Variants in RNF2 observed in about 807,000 individuals in gnomAD.
The protein encoded by RNF2 is E3 ubiquitin-protein ligase RING2.
A neutral mutation model predicts 37.2 loss-of-function variants in RNF2; 6 were observed. The ratio of observed to expected loss-of-function variants is 0.16; its 90% CI spans 0.09 to 0.32. The LOEUF is 0.32. Among genes scored for constraint, RNF2 ranks in the 10% least tolerant of loss-of-function variants. The pLI is 1.00. For missense variants in RNF2, 251 were observed against 404.0 expected (o/e 0.62, Z 3.25); for synonymous variants, 133 against 132.7 (o/e 1.00, Z -0.02).
At chr1:185,057,015 T>C (rs78568529) in intron 1 of RNF2, among the ~76,000 whole-genome samples, 1,926 of 152,086 alleles carry the variant, frequency 0.013, 40 homozygotes, top group African/African-American at 0.044. Flanking sequence ...TTTATGTGTG[T>C]TTTAAAACCT....
chr1:185,048,330 T>G (rs1162344756), intron 1 of RNF2, among the ~76,000 whole-genome samples: 2 of 152,158 alleles, frequency 1.3e-5, no homozygotes, highest in Non-Finnish European at 2.9e-5. Flanking sequence ...TGCTTTACGG[T>G]TTTTAGACAG....
intron 1 of RNF2, among the ~76,000 whole-genome samples, chr1:185,059,639 C>T (rs1033827891): frequency 7.9e-5 from 12 of 152,102 alleles, no homozygotes; most frequent in African/African-American, 2.9e-4. Flanking sequence ...TAGTAATAAT[C>T]ATATGTTTGG....
At chr1:185,070,577 T>G (rs1650937420) in intron 1 of RNF2, among the ~76,000 whole-genome samples, 1 of 152,132 alleles carries the variant, frequency 6.6e-6, no homozygotes, top group African/African-American at 2.4e-5. Context: ...TCCTCAGTTT[T>G]TTTCACATGA....
chr1:185,077,810 G>T (rs1408403078), intron 1 of RNF2, among the ~76,000 whole-genome samples: 2 of 142,824 alleles, frequency 1.4e-5, no homozygotes, highest in African/African-American at 2.6e-5. Flanking sequence ...AATTTCTAAT[G>T]CCTGATTCAT....
chr1:185,073,543 T>G (rs1382435148), intron 1 of RNF2, among the ~76,000 whole-genome samples: 1 of 152,240 alleles, frequency 6.6e-6, no homozygotes, highest in African/African-American at 2.4e-5. Flanking sequence ...TGTCTTTTGA[T>G]CTACAGCAGT....
intron 1 of RNF2, among the ~76,000 whole-genome samples, chr1:185,052,074 A>G (rs1380099030): frequency 6.6e-6 from 1 of 151,854 alleles, no homozygotes; most frequent in Non-Finnish European, 1.5e-5. Flanking sequence ...CTCACCTGTG[A>G]CACCCCCCAT....
chr1:185,058,007 C>T (rs1650486072), intron 1 of RNF2, among the ~76,000 whole-genome samples: 1 of 152,088 alleles, frequency 6.6e-6, no homozygotes, highest in African/African-American at 2.4e-5. Context: ...CACCTATAGT[C>T]TCAGTTACTC....
intron 1 of RNF2, among the ~76,000 whole-genome samples, chr1:185,081,513 C>T (rs753944142): frequency 6.7e-6 from 1 of 150,214 alleles, no homozygotes; most frequent in Non-Finnish European, 1.5e-5. Flanking sequence ...CCTGCCTCAG[C>T]CTCCTGAGTA....
At chr1:185,077,620 A>ATTTTTTTTTTTTTTTT (rs1651207693) in intron 1 of RNF2, among the ~76,000 whole-genome samples, 1 of 119,836 alleles carries the variant, frequency 8.3e-6, no homozygotes, top group Admixed American at 8.1e-5. Flanking sequence ...TTAGGAATTA[A>ATTTTTTTTTTTTTTTT]CTTTGTTTTT....
chr1:185,074,214 G>T (rs1651076572), intron 1 of RNF2, among the ~76,000 whole-genome samples: 1 of 152,106 alleles, frequency 6.6e-6, no homozygotes, highest in Admixed American at 6.5e-5. Context: ...CACCCTTCTG[G>T]CACCCTGACC....
chr1:185,056,712 C>T (rs1650445370), intron 1 of RNF2, among the ~76,000 whole-genome samples: 1 of 137,426 alleles, frequency 7.3e-6, no homozygotes, highest in African/African-American at 2.7e-5. Flanking sequence ...TTTTTAATCC[C>T]TGTGTTCAAT....
intron 4 of RNF2, among the ~76,000 whole-genome samples, chr1:185,095,776 A>G (rs1264593436): frequency 6.6e-6 from 1 of 152,162 alleles, no homozygotes; most frequent in Non-Finnish European, 1.5e-5. Context: ...TGACTTCTAC[A>G]TACATTTCAG....
chr1:185,067,409 G>T (rs974069495), intron 1 of RNF2, among the ~76,000 whole-genome samples: 1 of 152,136 alleles, frequency 6.6e-6, no homozygotes, highest in African/African-American at 2.4e-5. Flanking sequence ...TATAACACCT[G>T]TATCCTGTAA....
At chr1:185,074,894 C>T (rs76048610) in intron 1 of RNF2, among the ~76,000 whole-genome samples, 2 of 152,144 alleles carry the variant, frequency 1.3e-5, no homozygotes, top group African/African-American at 4.8e-5. Flanking sequence ...CTTGAGTATC[C>T]ATGGATTTTG....
chr1:185,069,552 A>G (rs1176490458), intron 1 of RNF2, among the ~76,000 whole-genome samples: 1 of 152,062 alleles, frequency 6.6e-6, no homozygotes, highest in Non-Finnish European at 1.5e-5. Context: ...AGCACATGCT[A>G]GGGTCTCACT....
chr1:185,098,156 C>G lies in RNF2; in HGVS notation c.549C>G (p.Ser183=). 15 of 1,614,170 alleles carry G rather than the reference C, an allele frequency of 9.3e-6. No homozygotes were observed. The highest frequency in any genetic ancestry group is 1.3e-5 in the Non-Finnish European group (15 of 1,180,026). ...NGDSSHCSNA[S]THSNQEAGPS... Reference sequence around the variant, plus strand: ...ACAGTTCACACTGCAGTAATGCATCCACACATAGCAATCAGGAAGCAGGCC... The same window carrying G: ...ACAGTTCACACTGCAGTAATGCATCGACACATAGCAATCAGGAAGCAGGCC... Residue 183 remains serine, a synonymous_variant, in exon 5 of 7, where the codon TCC becomes TCG. Transcript: ENST00000367510.
intron 4 of RNF2, 23 bp downstream of exon 4, chr1:185,093,299 G>A (rs1310882882): frequency 4.4e-6 from 7 of 1,599,456 alleles, no homozygotes; most frequent in Non-Finnish European, 5.1e-6. Flanking sequence ...GAGGGTCAGA[G>A]AGGGTAGCTG....
At position 185,098,061 on chromosome 1, in the gene RNF2, C is replaced by G. The variant is rs1317742537; in HGVS notation, c.465-11C>G. 1 of 1,611,250 alleles carries G rather than the reference C, an allele frequency of 6.2e-7. No individual in the cohort carries two copies. Among genetic ancestry groups the G allele is most frequent in the Non-Finnish European group, 8.5e-7 (1 of 1,178,530 alleles). On this transcript the variant is annotated splice_polypyrimidine_tract_variant and intron_variant, in intron 4 of 6. Coordinates refer to ENST00000367510, the MANE Select transcript of RNF2 (RefSeq NM_007212.4). Reference sequence around the variant, plus strand: ...GTAAATTTTATGCATCCTTTTTTCCCCCTTGACTAGACTGCAGCGAGGCAA... The same window carrying G: ...GTAAATTTTATGCATCCTTTTTTCCGCCTTGACTAGACTGCAGCGAGGCAA...
At chr1:185,086,921 A>C (rs1052270805) in intron 1 of RNF2, among the ~76,000 whole-genome samples, 1 of 152,202 alleles carries the variant, frequency 6.6e-6, no homozygotes, top group Non-Finnish European at 1.5e-5. Flanking sequence ...GGGTTAAGAC[A>C]ATCTTGTATA....
Sources: allele counts gnomAD v4.1 joint callset (sites outside exome capture counted in the v4.1 genomes callset), GRCh38; gene constraint gnomAD v4.1.1; transcripts MANE v1.5; gene names NCBI Gene and HGNC (gene_info 2026-07-23, HGNC 2026-07-21).